The following MCTP2 variants were observed in gnomAD, a reference collection of about 807,000 sequenced individuals.
MCTP2 encodes multiple C2 and transmembrane domain containing 2.
In MCTP2, 132 loss-of-function variants were observed where a neutral mutation model predicts 111.6. The observed-to-expected ratio is 1.18, with a 90% CI of 1.03 to 1.37. The LOEUF is 1.37. Ranked by LOEUF, MCTP2 falls within the 40% of genes most tolerant of loss-of-function variation. The pLI, the probability that MCTP2 is intolerant of heterozygous loss-of-function variation, is 0.00. For synonymous variants in MCTP2, 395 were observed against 387.7 expected (o/e 1.02, Z -0.22); for missense variants, 1,183 against 1,067.9 (o/e 1.11, Z -1.50).
In MCTP2 at chr15:94,373,626, G is replaced by C. The variant is rs373280604; in HGVS notation, c.1582+3446G>C. Among the ~76,000 whole-genome samples, 77 of 152,268 alleles carry C rather than the reference G, an allele frequency of 5.1e-4. 2 individuals are homozygous for C. In the South Asian group the frequency reaches 0.015, roughly 30 times the overall value. Reference sequence around the variant, plus strand: ...GAGTTTCTGACATTTGTGTACAAGAGAGAAGACTTTATTCAAAGAATCTTA... The same window carrying C: ...GAGTTTCTGACATTTGTGTACAAGACAGAAGACTTTATTCAAAGAATCTTA... On this transcript the variant is annotated intron_variant, in intron 12 of 22. Transcript: ENST00000357742.
intron 20 of MCTP2, among the ~76,000 whole-genome samples, chr15:94,469,954 T>C (rs2073776671): frequency 6.6e-6 from 1 of 152,196 alleles, no homozygotes; most frequent in Admixed American, 6.5e-5. Flanking sequence ...CGTGTGTTTA[T>C]TGAGAGACAA....
chr15:94,476,662 A>C, intron 21 of MCTP2, 34 bp from the exon 22 acceptor site: 1 of 1,049,256 alleles, frequency 9.5e-7, no homozygotes, highest in Non-Finnish European at 1.5e-6. Flanking sequence ...ACAGACAGAC[A>C]GATAAAGAGA....
intron 5 of MCTP2, 102 bp from the exon 6 acceptor site, chr15:94,340,097 G>A (rs1023806517): frequency 1.3e-6 from 1 of 786,742 alleles, no homozygotes; most frequent in African/African-American, 1.7e-5. Flanking sequence ...AGATCTGAAA[G>A]ACTGATTTCA....
At chr15:94,339,637 A>G (rs1408886402) in intron 5 of MCTP2, among the ~76,000 whole-genome samples, 1 of 152,246 alleles carries the variant, frequency 6.6e-6, no homozygotes, top group African/African-American at 2.4e-5. Flanking sequence ...TGAAAATAAT[A>G]TCTACATTGA....
chr15:94,245,419 T>C lies in MCTP2; in HGVS notation c.-66+13755T>C, dbSNP rs542633821. 2.7e-4 allele frequency among the ~76,000 whole-genome samples: 23 copies of C among 84,578 alleles called. No individual in the cohort carries two copies. The South Asian group carries it at 7.1e-3, about 26-fold the overall frequency. 55.5% of individuals were successfully genotyped at this position (84,578 alleles called of 152,430 possible). The stretch of plus-strand genomic sequence containing the variant: ...ACATGTGTGTATATATTTATATACA[T>C]GTGTGTATATATTTATATATACACA... On this transcript the variant is annotated intron_variant, in intron 1 of 22. Coordinates refer to ENST00000357742, the MANE Select transcript of MCTP2 (RefSeq NM_001385001.1).
chr15:94,267,869 C>CTTTCTTTTTTTTTT (rs1555443740), intron 1 of MCTP2, among the ~76,000 whole-genome samples: 1 of 77,454 alleles, frequency 1.3e-5, no homozygotes, highest in African/African-American at 5.7e-5. Context: ...CCTTTTCTTT[C>CTTTCTTTTTTTTTT]TTTTTTTTTT....
At chr15:94,434,582 C>T (rs912830589) in intron 17 of MCTP2, among the ~76,000 whole-genome samples, 10 of 151,984 alleles carry the variant, frequency 6.6e-5, no homozygotes, top group South Asian at 2.1e-4. Context: ...TTTCCCCATA[C>T]ATATATCCAG....
chr15:94,242,595 A>G (rs1038710764), intron 1 of MCTP2, among the ~76,000 whole-genome samples: 1 of 151,982 alleles, frequency 6.6e-6, no homozygotes, highest in African/African-American at 2.4e-5. Context: ...CAAGAGGCAC[A>G]TTTTTGGGCC....
At position 94,246,787 on chromosome 15, in the gene MCTP2, C is replaced by T. The variant is rs140624881; in HGVS notation, c.-66+15123C>T. 6.8e-3 allele frequency among the ~76,000 whole-genome samples: 1,028 copies of T among 152,278 alleles called. 7 individuals carry two copies. Among genetic ancestry groups the T allele is most frequent in the African/African-American group, 0.022 (926 of 41,540 alleles). On this transcript the variant is annotated intron_variant, in intron 1 of 22. Coordinates refer to ENST00000357742, the MANE Select transcript of MCTP2 (RefSeq NM_001385001.1). ...TCACATGATAATGTCCACTTCATTG[C>T]GCTGACACTGGCATTGATGGAATCC...
chr15:94,324,047 A>G lies in MCTP2; in HGVS notation c.637+8410A>G, dbSNP rs558438187. Among the ~76,000 whole-genome samples the G allele has an allele frequency of 4.0e-4, 61 of 152,360 alleles. 2 individuals are homozygous for G. Among genetic ancestry groups the G allele is most frequent in the African/African-American group, 1.4e-3 (57 of 41,582 alleles). ...GGCTGTCTTAAACTTTGAGACTGGT[A>G]AAGCAGAAGAAATATGTGAGCAATC... On this transcript the variant is annotated intron_variant, in intron 4 of 22. Transcript: ENST00000357742.
intron 1 of MCTP2, among the ~76,000 whole-genome samples, chr15:94,243,898 TAC>T (rs1219490520): frequency 7.0e-6 from 1 of 143,102 alleles, no homozygotes; most frequent in African/African-American, 2.5e-5. Context: ...CATATATGTA[TAC>T]ACATACATAT....
chr15:94,245,202 ATAT>A (rs947446949), intron 1 of MCTP2, among the ~76,000 whole-genome samples: 1 of 143,546 alleles, frequency 7.0e-6, no homozygotes, highest in Non-Finnish European at 1.5e-5. Context: ...ATGTATGTAT[ATAT>A]TTATACATAT....
chr15:94,366,938 A>G (rs894044616), intron 10 of MCTP2, among the ~76,000 whole-genome samples: 1 of 152,210 alleles, frequency 6.6e-6, no homozygotes, highest in Non-Finnish European at 1.5e-5. Flanking sequence ...TAAGAGGCGG[A>G]AAACATGCAA....
chr15:94,234,540 G>C (rs1305007374), intron 1 of MCTP2, among the ~76,000 whole-genome samples: 2 of 152,188 alleles, frequency 1.3e-5, no homozygotes, highest in Non-Finnish European at 2.9e-5. Flanking sequence ...AAGAGTGAGA[G>C]GGAAAGTTGT....
At chr15:94,323,224 G>C (rs1246500474) in intron 4 of MCTP2, among the ~76,000 whole-genome samples, 1 of 152,190 alleles carries the variant, frequency 6.6e-6, no homozygotes, top group Non-Finnish European at 1.5e-5. Flanking sequence ...ACAATGGGCA[G>C]GTTTAGCAAT....
intron 14 of MCTP2, among the ~76,000 whole-genome samples, chr15:94,389,049 A>G (rs2080698402): frequency 1.3e-5 from 2 of 152,200 alleles, no homozygotes; most frequent in Admixed American, 6.5e-5. Context: ...TGTGCAATAA[A>G]CACGTAAGAC....
intron 1 of MCTP2, among the ~76,000 whole-genome samples, chr15:94,256,858 GTCT>G (rs1422503730): frequency 6.6e-6 from 1 of 152,076 alleles, no homozygotes; most frequent in Non-Finnish European, 1.5e-5. Flanking sequence ...CCTTCCACTG[GTCT>G]TCTTCCTTGG....
Position 94,458,155 on chromosome 15 carries a change from T to A in MCTP2, c.2269T>A (p.Leu757Met), listed in dbSNP as rs757880136. 7 of 1,606,452 alleles carry A rather than the reference T, an allele frequency of 4.4e-6. No individual in the cohort carries two copies. The highest frequency in any genetic ancestry group is 1.1e-5 in the South Asian group (1 of 90,776). ...EDDKESEKKG[L>M]IERIYMVQDI... ...TTTCTAGGAATCTGAGAAAAAGGGG[T>A]TGATTGAAAGAATCTATATGGTACA... is the stretch of plus-strand genomic sequence containing the variant. Residue 757 changes from leucine to methionine, a missense_variant, in exon 20 of 23, where the codon TTG becomes ATG. Physicochemically the swap from Leu to Met is conservative, Grantham distance 15 (BLOSUM62 2). Coordinates refer to ENST00000357742, the MANE Select transcript of MCTP2 (RefSeq NM_001385001.1).
chr15:94,367,599 T>C lies in MCTP2; in HGVS notation c.1302-6T>C, dbSNP rs375188604. On this transcript the variant is annotated splice_polypyrimidine_tract_variant and splice_region_variant and intron_variant, in intron 10 of 22. Coordinates refer to ENST00000357742, the MANE Select transcript of MCTP2 (RefSeq NM_001385001.1). ...TTCTCTCTCTTGATTCCTGAAACTT[T>C]TCTAGGTGTAAAGTGGATATCTCGG... 7 of 1,604,224 alleles carry C rather than the reference T, an allele frequency of 4.4e-6. No individual in the cohort carries two copies. In the African/African-American group the frequency reaches 8.1e-5, roughly 19 times the overall value.
Sources: gnomAD v4.1 joint callset for allele counts (sites outside exome capture counted in the v4.1 genomes callset) on GRCh38, gnomAD v4.1.1 for gene constraint, MANE v1.5 for transcripts, NCBI Gene and HGNC (gene_info 2026-07-23, HGNC 2026-07-21) for gene names.